DMD: variants seen among roughly 807,000 people sequenced by gnomAD.
DMD encodes the protein dystrophin, also known as mutant dystrophin.
Under a neutral mutation model 330.1 loss-of-function variants are expected in DMD, and 63 were observed. The observed-to-expected ratio is 0.19, with a 90% CI of 0.16 to 0.24. DMD has a LOEUF of 0.24. Ranked by LOEUF, DMD falls within the 10% of genes least tolerant of loss-of-function variation. The pLI is 1.00. For missense variants in DMD, 3,344 were observed against 2,684.1 expected (o/e 1.25, Z -5.43); for synonymous variants, 1,223 against 959.8 (o/e 1.27, Z -5.07).
At chrX:32,720,693 A>G (rs1290142474) in intron 7 of DMD, among the ~76,000 whole-genome samples, 1 of 111,938 alleles carries the variant, frequency 8.9e-6, no homozygotes, top group Non-Finnish European at 1.9e-5. Context: ...AGCTGAGGCG[A>G]TAGACATTTT....
intron 74 of DMD, among the ~76,000 whole-genome samples, chrX:31,158,470 G>C: frequency 9.0e-6 from 1 of 111,547 alleles, no homozygotes; most frequent in Non-Finnish European, 1.9e-5. Flanking sequence ...CAGGAGAAAC[G>C]AGGAGTGACT....
intron 7 of DMD, among the ~76,000 whole-genome samples, chrX:32,723,070 C>T (rs2066493862): frequency 9.0e-6 from 1 of 111,136 alleles, no homozygotes; most frequent in Non-Finnish European, 1.9e-5. Context: ...TAGCTATAGG[C>T]TTTTCATAAA....
At position 32,614,250 on chromosome X, in the gene DMD, T is replaced by C. The variant is rs1037037574; in HGVS notation, c.1482+53A>G. The C allele has an allele frequency of 4.3e-6, 5 of 1,150,693 alleles. No homozygotes were observed. The African/African-American group carries it at 9.0e-5, about 21-fold the overall frequency. 94.8% of individuals were successfully genotyped at this position (1,150,693 alleles called of 1,213,427 possible). On this transcript the variant is annotated intron_variant, in intron 12 of 78. Coordinates refer to ENST00000357033, the MANE Select transcript of DMD (RefSeq NM_004006.3). Reference sequence around the variant, plus strand: ...CATCTGTGTTACTGTGTATAGGTACTATACACAGAGTTTGCTTTCTAGTAG... The same window carrying C: ...CATCTGTGTTACTGTGTATAGGTACCATACACAGAGTTTGCTTTCTAGTAG...
intron 37 of DMD, among the ~76,000 whole-genome samples, chrX:32,354,876 G>A (rs751343256): frequency 3.1e-4 from 34 of 110,994 alleles, no homozygotes; most frequent in African/African-American, 1.1e-3. Context: ...TCCTACTGTC[G>A]ACCTTTTATA....
chrX:32,613,636 C>T (rs889758032), intron 12 of DMD, among the ~76,000 whole-genome samples: 2 of 110,367 alleles, frequency 1.8e-5, no homozygotes, highest in East Asian at 2.9e-4. Flanking sequence ...TAAAAAAAAT[C>T]GTAGCCTTAT....
chrX:32,033,668 G>A (rs1297385725), intron 44 of DMD, among the ~76,000 whole-genome samples: 1 of 92,488 alleles, frequency 1.1e-5, no homozygotes, highest in African/African-American at 4.6e-5. Flanking sequence ...AAGAAAGAAA[G>A]AAAGGAAGGA....
intron 63 of DMD, among the ~76,000 whole-genome samples, chrX:31,254,698 A>G (rs1416656885): frequency 9.0e-6 from 1 of 111,255 alleles, no homozygotes; most frequent in Non-Finnish European, 1.9e-5. Flanking sequence ...ATATCTGTCC[A>G]TATGTAAATA....
intron 63 of DMD, among the ~76,000 whole-genome samples, chrX:31,237,847 G>A (rs1168086707): frequency 9.0e-6 from 1 of 111,154 alleles, no homozygotes; most frequent in South Asian, 3.8e-4. Context: ...AGCCTCCCAA[G>A]TAGCTGGTAT....
At chrX:31,221,329 T>C (rs1431545263) in intron 64 of DMD, among the ~76,000 whole-genome samples, 1 of 112,305 alleles carries the variant, frequency 8.9e-6, no homozygotes, top group Non-Finnish European at 1.9e-5. Context: ...CTCTCCAGCC[T>C]ATTATTTCAC....
At chrX:33,052,907 CA>C (rs2094474381) in intron 1 of DMD, among the ~76,000 whole-genome samples, 1 of 110,276 alleles carries the variant, frequency 9.1e-6, no homozygotes, top group African/African-American at 3.4e-5. Context: ...ATGTCTGTAT[CA>C]AAATATCTCA....
At chrX:31,426,301 C>A (rs1043332627) in intron 60 of DMD, among the ~76,000 whole-genome samples, 1 of 111,712 alleles carries the variant, frequency 9.0e-6, no homozygotes, top group Non-Finnish European at 1.9e-5. Flanking sequence ...TTCTTATGAC[C>A]AGAAAACCTT....
rs186035760 is a variant in DMD at position 31,682,824 on chromosome X, T to C, written c.7661-3238A>G. Among the ~76,000 whole-genome samples, 355 of 112,434 alleles carry C rather than the reference T, an allele frequency of 3.2e-3. 3 individuals are homozygous for C. Among genetic ancestry groups the C allele is most frequent in the African/African-American group, 0.011 (332 of 31,017 alleles). On this transcript the variant is annotated intron_variant, in intron 52 of 78. Coordinates refer to ENST00000357033, the MANE Select transcript of DMD (RefSeq NM_004006.3). ...AGCTCTTTTGATTCATGCCAGTAAA[T>C]ATTTTGTACATCCTACAGTTCATTT...
chrX:32,440,725 C>G (rs932748880), intron 28 of DMD, among the ~76,000 whole-genome samples: 8 of 111,666 alleles, frequency 7.2e-5, no homozygotes, highest in African/African-American at 2.3e-4. Flanking sequence ...AATATTAAAG[C>G]ATATCCATTT....
chrX:33,114,753 C>T (rs1434479022), intron 1 of DMD, among the ~76,000 whole-genome samples: 1 of 112,033 alleles, frequency 8.9e-6, no homozygotes, highest in Non-Finnish European at 1.9e-5. Context: ...ACTAGCTTTA[C>T]TCTGAAAGTA....
At chrX:33,145,979 T>C (rs1193496382) in intron 1 of DMD, among the ~76,000 whole-genome samples, 1 of 110,709 alleles carries the variant, frequency 9.0e-6, no homozygotes, top group Non-Finnish European at 1.9e-5. Flanking sequence ...CTCCACCTCC[T>C]GGGTTCAAGC....
chrX:32,482,277 T>C (rs1206245366), intron 21 of DMD, among the ~76,000 whole-genome samples: 1 of 111,483 alleles, frequency 9.0e-6, no homozygotes, highest in African/African-American at 3.3e-5. Context: ...AGAAAAGTAT[T>C]TTATCAACTG....
At chrX:33,197,520 C>G (rs1450958138) in intron 1 of DMD, among the ~76,000 whole-genome samples, 2 of 111,404 alleles carry the variant, frequency 1.8e-5, no homozygotes, top group African/African-American at 6.5e-5. Context: ...ACACCACAAT[C>G]AAAATATTGA....
At chrX:32,520,286 G>A (rs953169846) in intron 17 of DMD, among the ~76,000 whole-genome samples, 4 of 111,776 alleles carry the variant, frequency 3.6e-5, no homozygotes, top group African/African-American at 6.5e-5. Context: ...TCTCTTCAGC[G>A]ATGTTAACTC....
intron 2 of DMD, among the ~76,000 whole-genome samples, chrX:33,009,250 A>ATGTG: frequency 1.4e-5 from 1 of 70,958 alleles, no homozygotes; most frequent in African/African-American, 5.2e-5. Flanking sequence ...ACATGTGCAT[A>ATGTG]TATGTGTATG....
Sources: allele counts gnomAD v4.1 joint callset (sites outside exome capture counted in the v4.1 genomes callset), GRCh38; gene constraint gnomAD v4.1.1; transcripts MANE v1.5; gene names NCBI Gene and HGNC (gene_info 2026-07-23, HGNC 2026-07-21).